GPR180: variants seen among roughly 807,000 people sequenced by gnomAD.
GPR180 encodes G protein-coupled receptor 180.
GPR180 carries 53 observed loss-of-function variants against 52.6 expected under a neutral mutation model. The observed-to-expected ratio is 1.01, with a 90% confidence interval of 0.81 to 1.27. The LOEUF is 1.27. Among genes scored for constraint, GPR180 ranks in the 50% most tolerant of loss-of-function variants. The pLI, the probability that GPR180 is intolerant of heterozygous loss-of-function variation, is 0.00. For missense variants in GPR180, 533 were observed against 527.0 expected (o/e 1.01, Z -0.11); for synonymous variants, 200 against 193.1 (o/e 1.04, Z -0.30).
At chr13:94,605,262 G>C (rs1889614393) in intron 1 of GPR180, 129 bp from the exon 2 acceptor site, 1 of 761,210 alleles carries the variant, frequency 1.3e-6, no homozygotes, top group East Asian at 2.5e-5. Context: ...GATTTACCTA[G>C]TTAAGCGAGA....
intron 7 of GPR180, among the ~76,000 whole-genome samples, 194 bp from the exon 8 acceptor site, chr13:94,625,772 T>C (rs947797967): frequency 6.6e-6 from 1 of 152,198 alleles, no homozygotes; most frequent in African/African-American, 2.4e-5. Flanking sequence ...ACTCCAAAAA[T>C]ACTCATTTGG....
At chr13:94,605,308 G>T in intron 1 of GPR180, 83 bp from the exon 2 acceptor site, 1 of 1,225,638 alleles carries the variant, frequency 8.2e-7, no homozygotes, top group Non-Finnish European at 1.2e-6. Flanking sequence ...TTTCCATTTT[G>T]GTAAGTAGAG....
chr13:94,604,566 A>C (rs570910099), intron 1 of GPR180, among the ~76,000 whole-genome samples: 10 of 151,636 alleles, frequency 6.6e-5, no homozygotes, highest in Non-Finnish European at 1.2e-4. Flanking sequence ...CTCCAGCCTG[A>C]GTGACAGAGT....
chr13:94,613,979 A>G (rs1371606157), intron 3 of GPR180, among the ~76,000 whole-genome samples: 1 of 151,672 alleles, frequency 6.6e-6, no homozygotes, highest in African/African-American at 2.4e-5. Context: ...CCCGGGTTCA[A>G]GCAATTCTCC....
At chr13:94,605,324 GA>G in intron 1 of GPR180, 66 bp from the exon 2 acceptor site, 1 of 1,463,158 alleles carries the variant, frequency 6.8e-7, no homozygotes, top group Non-Finnish European at 9.5e-7. Flanking sequence ...TAGAGGTGTT[GA>G]GTTGTCCTCA....
intron 3 of GPR180, among the ~76,000 whole-genome samples, chr13:94,612,871 T>A (rs1889728489): frequency 7.7e-6 from 1 of 129,592 alleles, no homozygotes; most frequent in Admixed American, 7.1e-5. Flanking sequence ...GGTAACTCTG[T>A]ACTAGCTTGT....
chr13:94,612,271 A>G lies in GPR180; in HGVS notation c.386A>G (p.Lys129Arg), dbSNP rs749466364. Reference sequence around the variant, plus strand: ...ACGTGGCATGTGTTTTATGCAGACAAGTATACATGCCAAGATGACAAGGAG... The same window carrying G: ...ACGTGGCATGTGTTTTATGCAGACAGGTATACATGCCAAGATGACAAGGAG... ...PQTWHVFYAD[K>R]YTCQDDKENS... The change falls in exon 3 of 9, where the codon AAG becomes AGG. Residue 129 changes from lysine (K) to arginine (R), a missense_variant. Coordinates refer to ENST00000376958, the MANE Select transcript of GPR180 (RefSeq NM_180989.6). 1.2e-6 allele frequency: 2 copies of G among 1,613,958 alleles called. No homozygotes were observed. Among genetic ancestry groups the G allele is most frequent in the Admixed American group, 1.7e-5 (1 of 60,028 alleles).
intron 2 of GPR180, among the ~76,000 whole-genome samples, 186 bp downstream of exon 2, chr13:94,605,735 GAA>G (rs199535213): frequency 4.0e-5 from 6 of 150,292 alleles, no homozygotes; most frequent in Non-Finnish European, 8.9e-5. Context: ...CATCGTTTTT[GAA>G]AAAAAAATCC....
At chr13:94,624,387 G>A (rs895552928) in intron 7 of GPR180, among the ~76,000 whole-genome samples, 13 of 152,142 alleles carry the variant, frequency 8.5e-5, no homozygotes, top group African/African-American at 3.1e-4. Flanking sequence ...CTAGTGTTGA[G>A]CATTGCAAAG....
At chr13:94,605,666 A>G in intron 2 of GPR180, 117 bp downstream of exon 2, 1 of 800,140 alleles carries the variant, frequency 1.2e-6, no homozygotes, top group Non-Finnish European at 1.9e-6. Context: ...CACTGTGATG[A>G]CACTTTGTCT....
At chr13:94,603,869 A>G (rs911287262) in intron 1 of GPR180, among the ~76,000 whole-genome samples, 2 of 152,158 alleles carry the variant, frequency 1.3e-5, no homozygotes, top group Admixed American at 1.3e-4. Flanking sequence ...TGGGCCTTAA[A>G]TGTAGTTGGT....
At position 94,601,963 on chromosome 13, in the gene GPR180, G is replaced by T. The variant is rs1415975776; in HGVS notation, c.36G>T (p.Thr12=). 6.7e-7 allele frequency: 1 copy of T among 1,498,204 alleles called. No homozygotes were observed. The highest frequency in any genetic ancestry group is 2.2e-5 in the Admixed American group (1 of 45,950). 92.8% of individuals were successfully genotyped at this position (1,498,204 alleles called of 1,614,324 possible). Residue 12 remains threonine (T), a synonymous_variant, in exon 1 of 9, where the codon ACG becomes ACT. Transcript: ENST00000376958. ...TGCGGCTGCTGGCTGTGGCCCTCAC[G>T]TGCTGCTGGTGGCCGCAGGGCAGCC... ...GGLRLLAVAL[T]CCWWPQGSQG...
chr13:94,619,281 T>C lies in GPR180; in HGVS notation c.637T>C (p.Leu213=). Residue 213 remains leucine (L), a synonymous_variant, in exon 4 of 9, where the codon TTG becomes CTG. Coordinates refer to ENST00000376958, the MANE Select transcript of GPR180 (RefSeq NM_180989.6). ...HMILKVLTTA[L]LLQAGSALAN... ...GATTTTAAAGGTTCTGACAACTGCA[T>C]TGCTGTTACAAGCTGGTTCAGCTTT... The C allele has an allele frequency of 6.2e-7, 1 of 1,614,192 alleles. No homozygotes were observed. The highest frequency in any genetic ancestry group is 1.3e-5 in the African/African-American group (1 of 75,060).
At chr13:94,618,420 A>ATTTTTTTTTGTTTTTT (rs1889806407) in intron 3 of GPR180, among the ~76,000 whole-genome samples, 1 of 87,158 alleles carries the variant, frequency 1.1e-5, no homozygotes, top group African/African-American at 6.3e-5. Flanking sequence ...TCAGCACAGG[A>ATTTTTTTTTGTTTTTT]TTTTTTTTTT....
chr13:94,626,913 A>T (rs2138571474), intron 8 of GPR180, 100 bp from the exon 9 acceptor site: 2 of 878,002 alleles, frequency 2.3e-6, no homozygotes, highest in East Asian at 6.0e-5. Flanking sequence ...AAGATAGAGT[A>T]TTGTATTTAT....
chr13:94,604,493 A>G (rs1304436547), intron 1 of GPR180, among the ~76,000 whole-genome samples: 1 of 151,762 alleles, frequency 6.6e-6, no homozygotes, highest in East Asian at 1.9e-4. Flanking sequence ...AGGCAGGAGA[A>G]TCAGGAGAAT....
At position 94,626,022 on chromosome 13, in the gene GPR180, T is replaced by G; in HGVS notation, c.1143T>G (p.Phe381Leu). The change falls in exon 8 of 9, where the codon TTT becomes TTG. Residue 381 changes from phenylalanine to leucine, a missense_variant. Coordinates refer to ENST00000376958, the MANE Select transcript of GPR180 (RefSeq NM_180989.6). ...TTCTTGCATGCATTTCTGTCATTTT[T>G]AGCGACTACCAAAGAGACAAGGTAA... ...HPVLACISVIFSDYQRDKVIT... is the reference protein window; with the variant it reads ...HPVLACISVILSDYQRDKVIT... 6.2e-7 allele frequency: 1 copy of G among 1,611,064 alleles called. No homozygotes were observed. Among genetic ancestry groups the G allele is most frequent in the Non-Finnish European group, 8.5e-7 (1 of 1,177,828 alleles).
intron 2 of GPR180, among the ~76,000 whole-genome samples, chr13:94,605,989 T>TG (rs1356068806): frequency 2.6e-5 from 4 of 152,276 alleles, no homozygotes; most frequent in African/African-American, 9.6e-5. Context: ...AGTTATATGG[T>TG]ATAAAATATG....
rs1364585200 is a variant in GPR180, at chr13:94,613,246, AGT to A, written c.505+858_505+859del. On this transcript the variant is annotated intron_variant, in intron 3 of 8. Coordinates refer to ENST00000376958, the MANE Select transcript of GPR180 (RefSeq NM_180989.6). Reference sequence around the variant, plus strand: ...TTCCATTGTATCCCATTGGCCATAGAGTGGGGTGGGTGGAGGTGAGGCAGGAG... The same window carrying A: ...TTCCATTGTATCCCATTGGCCATAGAGGGGTGGGTGGAGGTGAGGCAGGAG... 2.0e-5 allele frequency among the ~76,000 whole-genome samples: 3 copies of A among 152,214 alleles called. No homozygotes were observed. The East Asian group carries it at 5.8e-4, about 29-fold the overall frequency.
Sources: gnomAD v4.1 joint callset for allele counts (sites outside exome capture counted in the v4.1 genomes callset) on GRCh38, gnomAD v4.1.1 for gene constraint, MANE v1.5 for transcripts, NCBI Gene and HGNC (gene_info 2026-07-23, HGNC 2026-07-21) for gene names.